MRAP2: variants seen among roughly 807,000 people sequenced by gnomAD.
MRAP2 encodes the protein melanocortin-2 receptor accessory protein 2.
Under a neutral mutation model 17.4 loss-of-function variants are expected in MRAP2, and 20 were observed. The observed-to-expected ratio is 1.15, with a 90% CI of 0.81 to 1.67. The LOEUF (loss-of-function observed/expected upper bound fraction) is 1.67. Ranked by LOEUF, MRAP2 falls within the 40% of genes most tolerant of loss-of-function variation. The probability of loss-of-function intolerance (pLI) is 0.00; values close to 1 mark genes in which losing one functional copy is unlikely to be tolerated. For synonymous variants in MRAP2, 96 were observed against 88.4 expected (o/e 1.09, Z -0.48); for missense variants, 238 against 240.0 (o/e 0.99, Z 0.05).
intron 1 of MRAP2, among the ~76,000 whole-genome samples, chr6:84,052,406 G>C (rs949713968): frequency 6.6e-6 from 1 of 152,168 alleles, no homozygotes; most frequent in African/African-American, 2.4e-5. Context: ...CATGCTGGCA[G>C]TTCCCAGCTT....
At chr6:84,107,168 C>A in the MRAP2 span, among the ~76,000 whole-genome samples, 1 of 152,094 alleles carries the variant, frequency 6.6e-6, no homozygotes, top group Non-Finnish European at 1.5e-5. Flanking sequence ...GAGGCTTCTC[C>A]TATTCTGCAC....
At chr6:84,117,259 G>C in the MRAP2 span, among the ~76,000 whole-genome samples, 1 of 152,176 alleles carries the variant, frequency 6.6e-6, no homozygotes, top group African/African-American at 2.4e-5. Context: ...CTGAGCACAT[G>C]TGATCCGTCC....
the MRAP2 span, among the ~76,000 whole-genome samples, chr6:84,101,843 A>G: frequency 6.6e-6 from 1 of 152,192 alleles, no homozygotes; most frequent in Non-Finnish European, 1.5e-5. Flanking sequence ...GCCTATTTCT[A>G]TGGAAGCTTT....
At chr6:84,133,039 G>A in the MRAP2 span, among the ~76,000 whole-genome samples, 1 of 152,074 alleles carries the variant, frequency 6.6e-6, no homozygotes, top group Non-Finnish European at 1.5e-5. Context: ...TGTGGTTTTG[G>A]TGTGTATGTC....
At chr6:84,082,366 G>T (rs1407898982) in intron 3 of MRAP2, among the ~76,000 whole-genome samples, 1 of 152,042 alleles carries the variant, frequency 6.6e-6, no homozygotes, top group Non-Finnish European at 1.5e-5. Context: ...TTTAGCAAAG[G>T]CTTATAGATA....
intron 3 of MRAP2, among the ~76,000 whole-genome samples, chr6:84,068,914 C>T (rs1364829803): frequency 6.6e-6 from 1 of 151,312 alleles, no homozygotes; most frequent in Non-Finnish European, 1.5e-5. Flanking sequence ...GGCAATCCAC[C>T]CACCTCAGCC....
chr6:84,061,969 A>G lies in MRAP2; in HGVS notation c.128-924A>G, dbSNP rs186587474. 4.1e-6 allele frequency: 4 copies of G among 985,450 alleles called. No homozygotes were observed. The East Asian group carries it at 4.5e-4, about 112-fold the overall frequency. 61.0% of individuals were successfully genotyped at this position (985,450 alleles called of 1,614,324 possible). On this transcript the variant is annotated intron_variant, in intron 2 of 3. Transcript: ENST00000257776. Reference sequence around the variant, plus strand: ...TTAAAGCAGGTTTGTACAGAAATAAAGCACAGGGAAAGGCAGAAGGCAGAG... The same window carrying G: ...TTAAAGCAGGTTTGTACAGAAATAAGGCACAGGGAAAGGCAGAAGGCAGAG...
intron 1 of MRAP2, among the ~76,000 whole-genome samples, chr6:84,053,766 T>C (rs2099491038): frequency 6.6e-6 from 1 of 152,204 alleles, no homozygotes; most frequent in Admixed American, 6.5e-5. Flanking sequence ...ATGTTACTAG[T>C]GGGAAAACTG....
At chr6:84,096,820 G>T in the MRAP2 span, among the ~76,000 whole-genome samples, 2 of 152,110 alleles carry the variant, frequency 1.3e-5, no homozygotes, top group East Asian at 3.9e-4. Context: ...GGGTAAGATG[G>T]CTTCTGCTTT....
At chr6:84,068,752 A>G (rs1029632337) in intron 3 of MRAP2, among the ~76,000 whole-genome samples, 1 of 131,972 alleles carries the variant, frequency 7.6e-6, no homozygotes, top group African/African-American at 2.9e-5. Context: ...ATTTGTGTAC[A>G]TTAATCTAGT....
intron 2 of MRAP2, among the ~76,000 whole-genome samples, chr6:84,056,434 T>G (rs562624427): frequency 3.2e-4 from 49 of 152,322 alleles, no homozygotes; most frequent in Non-Finnish European, 5.6e-4. Flanking sequence ...AAATCATTAA[T>G]TAAACCATAT....
In MRAP2 at chr6:84,034,486, A is replaced by G. The variant is rs1024570795; in HGVS notation, c.-8+603A>G. ...ACTTTCCCCGCCGCCCCACCCCGCA[A>G]CCCGCCCCCGCTCCCCCCGCCCGCC... On this transcript the variant is annotated intron_variant, in intron 1 of 3. Transcript: ENST00000257776. Among the ~76,000 whole-genome samples the G allele has an allele frequency of 1.7e-4, 17 of 101,092 alleles. No individual in the cohort carries two copies. In the Admixed American group the frequency reaches 1.7e-3, roughly 10 times the overall value. 66.3% of individuals were successfully genotyped at this position (101,092 alleles called of 152,430 possible). A position where few individuals can be genotyped will look rare whatever the true frequency, so the allele number is the denominator to read the frequency against.
At chr6:84,058,116 G>A (rs1013481758) in intron 2 of MRAP2, among the ~76,000 whole-genome samples, 11 of 152,178 alleles carry the variant, frequency 7.2e-5, no homozygotes, top group African/African-American at 2.2e-4. Context: ...CTTTTACTCT[G>A]AGAAGTCACT....
intron 1 of MRAP2, among the ~76,000 whole-genome samples, chr6:84,038,483 C>CTTATTTAT (rs145405006): frequency 4.6e-5 from 7 of 151,738 alleles, no homozygotes; most frequent in African/African-American, 9.7e-5. Flanking sequence ...TTTTATATTT[C>CTTATTTAT]TTATTTATTT....
At chr6:84,101,907 C>T in the MRAP2 span, among the ~76,000 whole-genome samples, 1 of 152,174 alleles carries the variant, frequency 6.6e-6, no homozygotes, top group Admixed American at 6.5e-5. Context: ...TCATCATTAT[C>T]TTCATCATCA....
chr6:84,075,458 G>A (rs1371525316), intron 3 of MRAP2, among the ~76,000 whole-genome samples: 1 of 152,162 alleles, frequency 6.6e-6, no homozygotes, highest in Non-Finnish European at 1.5e-5. Flanking sequence ...GTATGGTGGG[G>A]CAGGCAGGGG....
the MRAP2 span, among the ~76,000 whole-genome samples, chr6:84,101,888 G>A: frequency 1.3e-5 from 2 of 152,128 alleles, no homozygotes; most frequent in Non-Finnish European, 2.9e-5. Context: ...TCAAAGTCCT[G>A]TGTCATTATC....
At chr6:84,125,164 A>G in the MRAP2 span, 2 of 1,613,616 alleles carry the variant, frequency 1.2e-6, no homozygotes, top group Non-Finnish European at 1.7e-6. Flanking sequence ...TATTGAGTCT[A>G]GTTCTGTGCG....
At chr6:84,112,200 C>G in the MRAP2 span, among the ~76,000 whole-genome samples, 1 of 152,144 alleles carries the variant, frequency 6.6e-6, no homozygotes, top group South Asian at 2.1e-4. Flanking sequence ...GTTTGTAACT[C>G]TGGTAGAATT....
Sources: gnomAD v4.1 joint callset for allele counts (sites outside exome capture counted in the v4.1 genomes callset) on GRCh38, gnomAD v4.1.1 for gene constraint, MANE v1.5 for transcripts, NCBI Gene and HGNC (gene_info 2026-07-23, HGNC 2026-07-21) for gene names.